Variants in ZNF578 observed in about 807,000 individuals in gnomAD.
ZNF578 encodes the protein zinc finger protein 578, also known as Putative chemokine-related protein B42.
In ZNF578, 8 loss-of-function variants were observed where a neutral mutation model predicts 8.3. That is an observed-to-expected ratio of 0.96 (90% CI 0.56 to 1.74). The LOEUF (loss-of-function observed/expected upper bound fraction) is 1.74. ZNF578 is among the 40% of genes most tolerant of loss of function. The pLI is 0.00. For missense variants in ZNF578, 726 were observed against 707.5 expected (o/e 1.03, Z -0.30); for synonymous variants, 206 against 232.2 (o/e 0.89, Z 1.03).
intron 3 of ZNF578, among the ~76,000 whole-genome samples, chr19:52,496,398 C>T (rs1397071856): frequency 3.4e-5 from 5 of 145,686 alleles, no homozygotes; most frequent in African/African-American, 5.1e-5. Context: ...GGCGCAATCT[C>T]GGCTCACTGC....
chr19:52,477,577 T>C (rs986363451), intron 2 of ZNF578, among the ~76,000 whole-genome samples: 2 of 151,754 alleles, frequency 1.3e-5, no homozygotes, highest in African/African-American at 4.9e-5. Flanking sequence ...TCCACAGTTA[T>C]AACATTTTCC....
intron 4 of ZNF578, among the ~76,000 whole-genome samples, chr19:52,502,572 A>G (rs1227548441): frequency 1.4e-5 from 2 of 144,892 alleles, no homozygotes; most frequent in Non-Finnish European, 3.1e-5. Context: ...CCCCATCTCT[A>G]CTAAAAATAC....
At chr19:52,484,154 C>T (rs543409647) in intron 2 of ZNF578, among the ~76,000 whole-genome samples, 13 of 152,322 alleles carry the variant, frequency 8.5e-5, no homozygotes, top group Admixed American at 7.2e-4. Context: ...GGAAAAAGTG[C>T]TGTGCTTTTG....
At chr19:52,507,219 A>C (rs1208547552) in intron 5 of ZNF578, among the ~76,000 whole-genome samples, 1 of 151,972 alleles carries the variant, frequency 6.6e-6, no homozygotes, top group Non-Finnish European at 1.5e-5. Flanking sequence ...GAAACCCCAT[A>C]TCTAGTAAAA....
intron 2 of ZNF578, among the ~76,000 whole-genome samples, chr19:52,459,031 G>C (rs533923262): frequency 6.6e-6 from 1 of 152,224 alleles, no homozygotes; most frequent in East Asian, 1.9e-4. Flanking sequence ...TTTTGTGTTT[G>C]AATGGCTGTG....
In ZNF578 at chr19:52,513,007, A is replaced by T. The variant is rs2059455614; in HGVS notation, c.*853A>T. Among the ~76,000 whole-genome samples, 2 of 152,004 alleles carry T rather than the reference A, an allele frequency of 1.3e-5. No homozygotes were observed. Among genetic ancestry groups the T allele is most frequent in the South Asian group, 4.1e-4 (2 of 4,820 alleles). Reference sequence around the variant, plus strand: ...CAAGCATGGCCAAGAGATGTGAGCCAGTTTTCCCAGCCTGTTTATTATTAT... The same window carrying T: ...CAAGCATGGCCAAGAGATGTGAGCCTGTTTTCCCAGCCTGTTTATTATTAT... On this transcript the variant is annotated 3_prime_UTR_variant, in exon 6 of 6. Transcript: ENST00000421239.
Position 52,511,873 on chromosome 19 carries a change from C to G in ZNF578, c.1492C>G (p.Leu498Val), listed in dbSNP as rs2059449394. ...CHKTFSHRSS[L>V]PCHRRLHSGE... The stretch of plus-strand genomic sequence containing the variant: ...CAAGACCTTCAGTCACAGGTCATCT[C>G]TTCCATGCCATCGTAGACTTCATAG... The change falls in exon 6 of 6, where the codon CTT becomes GTT. Residue 498 changes from leucine to valine, a missense_variant. Coordinates refer to ENST00000421239, the MANE Select transcript of ZNF578 (RefSeq NM_001099694.2). 6.2e-7 allele frequency: 1 copy of G among 1,613,694 alleles called. No homozygotes were observed. The highest frequency in any genetic ancestry group is 8.5e-7 in the Non-Finnish European group (1 of 1,179,904).
chr19:52,483,451 C>T (rs62108410), intron 2 of ZNF578, among the ~76,000 whole-genome samples: 1,721 of 152,262 alleles, frequency 0.011, 11 homozygotes, highest in Non-Finnish European at 0.019. Flanking sequence ...AATAAAAGCA[C>T]GAGTCCTATT....
intron 2 of ZNF578, among the ~76,000 whole-genome samples, chr19:52,479,344 G>A (rs1008422349): frequency 6.6e-6 from 1 of 151,842 alleles, no homozygotes; most frequent in Non-Finnish European, 1.5e-5. Flanking sequence ...GACCATCCTG[G>A]CTAATGCGGT....
At chr19:52,487,964 T>C (rs903734086) in intron 2 of ZNF578, among the ~76,000 whole-genome samples, 1 of 149,276 alleles carries the variant, frequency 6.7e-6, no homozygotes, top group Non-Finnish European at 1.5e-5. Context: ...CCCCCCCTTT[T>C]TTTTTTTGAG....
At chr19:52,471,234 G>A (rs1484381919) in intron 2 of ZNF578, among the ~76,000 whole-genome samples, 1 of 152,176 alleles carries the variant, frequency 6.6e-6, no homozygotes, top group African/African-American at 2.4e-5. Flanking sequence ...AGCAATGTGA[G>A]AATGGACTAA....
At chr19:52,507,728 A>G (rs1056598626) in intron 5 of ZNF578, among the ~76,000 whole-genome samples, 2 of 152,134 alleles carry the variant, frequency 1.3e-5, no homozygotes, top group African/African-American at 4.8e-5. Context: ...GGAGCAGGCA[A>G]TGAGCTCTTT....
chr19:52,506,038 C>T (rs1175797797), intron 5 of ZNF578, among the ~76,000 whole-genome samples: 1 of 152,006 alleles, frequency 6.6e-6, no homozygotes, highest in Non-Finnish European at 1.5e-5. Flanking sequence ...GCTGGGATTA[C>T]AGGCATGTGT....
rs368341999 is a variant in ZNF578, at chr19:52,512,099, G to A, written c.1718G>A (p.Gly573Asp). The change falls in exon 6 of 6, where the codon GGT (glycine) becomes GAT (aspartate). Residue 573 changes from glycine to aspartate, a missense_variant. Transcript: ENST00000421239. ...GEKPYKCNEC[G>D]KAHNHLIDSS... The stretch of plus-strand genomic sequence containing the variant: ...AAACCTTACAAGTGTAATGAGTGTG[G>A]TAAGGCTCACAATCACTTGATTGAT... 1.1e-5 allele frequency: 18 copies of A among 1,612,468 alleles called. No individual in the cohort carries two copies. In the African/African-American group the frequency reaches 2.4e-4, roughly 22 times the overall value.
intron 2 of ZNF578, chr19:52,474,161 T>C (rs1371197324): frequency 1.3e-5 from 4 of 312,810 alleles, no homozygotes; most frequent in Non-Finnish European, 2.7e-5. Flanking sequence ...GTAAGGTTTC[T>C]TTCCACTATG....
chr19:52,468,908 A>G (rs931273462), intron 2 of ZNF578, among the ~76,000 whole-genome samples: 1 of 152,136 alleles, frequency 6.6e-6, no homozygotes, highest in African/African-American at 2.4e-5. Context: ...TTCCTGGGAT[A>G]TCTCGAGCCT....
chr19:52,493,807 A>G (rs1365354248), intron 3 of ZNF578, among the ~76,000 whole-genome samples: 2 of 151,970 alleles, frequency 1.3e-5, no homozygotes, highest in Non-Finnish European at 2.9e-5. Context: ...CCTGTCCAAC[A>G]TGGAGAAACC....
chr19:52,493,683 G>A (rs867788620), intron 3 of ZNF578, among the ~76,000 whole-genome samples: 16 of 152,048 alleles, frequency 1.1e-4, no homozygotes, highest in Non-Finnish European at 1.3e-4. Flanking sequence ...AAGATTGGGG[G>A]GAAGGGCAAC....
chr19:52,501,027 C>T (rs1193718298), intron 3 of ZNF578, among the ~76,000 whole-genome samples: 1 of 151,972 alleles, frequency 6.6e-6, no homozygotes, highest in South Asian at 2.1e-4. Context: ...TATGGGCACC[C>T]GCTACCATGC....
Sources: gnomAD v4.1 joint callset for allele counts (sites outside exome capture counted in the v4.1 genomes callset) on GRCh38, gnomAD v4.1.1 for gene constraint, MANE v1.5 for transcripts, NCBI Gene and HGNC (gene_info 2026-07-23, HGNC 2026-07-21) for gene names.